The following SPIDR variants were observed in gnomAD, a reference collection of about 807,000 sequenced individuals.
SPIDR encodes DNA repair-scaffolding protein.
SPIDR carries 93 observed loss-of-function variants against 104.6 expected under a neutral mutation model. That is an observed-to-expected ratio of 0.89 (90% confidence interval 0.75 to 1.06). The LOEUF is 1.06. SPIDR is among the 50% of genes least tolerant of loss of function. The pLI, the probability that SPIDR is intolerant of heterozygous loss-of-function variation, is 0.00. For synonymous variants in SPIDR, 431 were observed against 416.9 expected, an observed-to-expected ratio of 1.03 and a Z score of -0.41; for missense variants, 1,154 against 1,111.2, an observed-to-expected ratio of 1.04 and a Z score of -0.55.
At chr8:47,606,962 G>A (rs963096622) in intron 10 of SPIDR, among the ~76,000 whole-genome samples, 1 of 152,160 alleles carries the variant, frequency 6.6e-6, no homozygotes, top group Non-Finnish European at 1.5e-5. Flanking sequence ...CAGCTCCCTC[G>A]TCAACAACAC....
At chr8:47,585,658 T>C (rs1003692208) in intron 8 of SPIDR, among the ~76,000 whole-genome samples, 1 of 152,146 alleles carries the variant, frequency 6.6e-6, no homozygotes, top group African/African-American at 2.4e-5. Context: ...TTCTTACACT[T>C]ATGGAGGTCG....
At chr8:47,377,886 A>G (rs1292108132) in intron 5 of SPIDR, among the ~76,000 whole-genome samples, 1 of 152,122 alleles carries the variant, frequency 6.6e-6, no homozygotes, top group Non-Finnish European at 1.5e-5. Flanking sequence ...GAAACACAAC[A>G]TGTTCTGCTA....
intron 8 of SPIDR, among the ~76,000 whole-genome samples, chr8:47,457,898 G>C (rs1323303416): frequency 2.0e-5 from 3 of 152,080 alleles, no homozygotes; most frequent in African/African-American, 7.2e-5. Context: ...AAGATCAGTG[G>C]CTGTAAGTAT....
At chr8:47,668,472 A>T (rs185592325) in intron 10 of SPIDR, among the ~76,000 whole-genome samples, 1,792 of 144,006 alleles carry the variant, frequency 0.012, 38 homozygotes, top group African/African-American at 0.044. Flanking sequence ...TTCATGATTT[A>T]AAAAAAAAAA....
intron 5 of SPIDR, among the ~76,000 whole-genome samples, chr8:47,350,049 G>A (rs535753093): frequency 9.2e-5 from 14 of 152,288 alleles, no homozygotes; most frequent in East Asian, 3.9e-4. Context: ...CGTCTTCTGC[G>A]TCGCTCATGC....
In SPIDR at chr8:47,714,266, T is replaced by G. The variant is rs1394544897; in HGVS notation, c.2341+625T>G. On this transcript the variant is annotated intron_variant, in intron 16 of 19. Transcript: ENST00000297423. ...GGATGGACTTAGGGAAATCGGCAGGTTGAGCGATGAATTGGGCATAGATGG... is the reference window on the plus strand; with the variant it reads ...GGATGGACTTAGGGAAATCGGCAGGGTGAGCGATGAATTGGGCATAGATGG... Among the ~76,000 whole-genome samples the G allele has an allele frequency of 2.6e-5, 4 of 152,144 alleles. No individual in the cohort carries two copies. The East Asian group carries it at 7.7e-4, about 29-fold the overall frequency.
rs531447383 is a variant in SPIDR, at chr8:47,350,290, C to G, written c.526-46086C>G. The stretch of plus-strand genomic sequence containing the variant: ...ATTTTAAACCTTTTTTTCCTTGACA[C>G]GTGAAAGATGACACTTGTTATAATT... On this transcript the variant is annotated intron_variant, in intron 5 of 19. Transcript: ENST00000297423. Among the ~76,000 whole-genome samples the G allele has an allele frequency of 3.9e-5, 6 of 152,148 alleles. No homozygotes were observed. In the South Asian group the frequency reaches 1.2e-3, roughly 32 times the overall value.
chr8:47,440,601 G>C (rs1322757515), intron 8 of SPIDR, 59 bp downstream of exon 8: 12 of 1,524,040 alleles, frequency 7.9e-6, no homozygotes, highest in Non-Finnish European at 1.1e-5. Context: ...CGTAAGAAAA[G>C]ACATTTTTAT....
At chr8:47,335,702 C>T (rs1033143755) in intron 5 of SPIDR, among the ~76,000 whole-genome samples, 22 of 152,282 alleles carry the variant, frequency 1.4e-4, no homozygotes, top group Non-Finnish European at 2.4e-4. Flanking sequence ...ACACCCACGT[C>T]GGCCTCCCAA....
chr8:47,619,588 T>C (rs1476901074), intron 10 of SPIDR, among the ~76,000 whole-genome samples: 2 of 151,754 alleles, frequency 1.3e-5, no homozygotes, highest in African/African-American at 2.4e-5. Flanking sequence ...TTCTACATGA[T>C]ACTCTGAATA....
chr8:47,675,745 A>G (rs756721315), intron 11 of SPIDR, among the ~76,000 whole-genome samples: 6 of 152,234 alleles, frequency 3.9e-5, no homozygotes, highest in Admixed American at 6.5e-5. Context: ...ACCTCGAGGC[A>G]GAGGTTGCAG....
At chr8:47,320,249 A>C (rs1482406135) in intron 5 of SPIDR, among the ~76,000 whole-genome samples, 1 of 152,226 alleles carries the variant, frequency 6.6e-6, no homozygotes, top group Non-Finnish European at 1.5e-5. Context: ...GATGCAATAA[A>C]AAATGATAAA....
At chr8:47,482,050 G>T (rs1325856960) in intron 8 of SPIDR, among the ~76,000 whole-genome samples, 8 of 152,210 alleles carry the variant, frequency 5.3e-5, no homozygotes, top group Non-Finnish European at 1.0e-4. Flanking sequence ...TGAGGACTCA[G>T]TTTACAGGTT....
chr8:47,364,753 G>C (rs1262821446), intron 5 of SPIDR, among the ~76,000 whole-genome samples: 4 of 152,138 alleles, frequency 2.6e-5, no homozygotes, highest in African/African-American at 9.7e-5. Flanking sequence ...CCAAAAAAAA[G>C]TCTGTTAAAA....
rs566500885 is a variant in SPIDR, at chr8:47,503,488, G to A, written c.1097+62946G>A. On this transcript the variant is annotated intron_variant, in intron 8 of 19. Transcript: ENST00000297423. ...GCCGTTTTTTGTTTTCCATTTGCTT[G>A]GTAGATCTTCCTCCATCCGTTTATT... is the stretch of plus-strand genomic sequence containing the variant. Among the ~76,000 whole-genome samples the A allele has an allele frequency of 1.5e-4, 23 of 150,192 alleles. No homozygotes were observed. The South Asian group carries it at 4.1e-3, about 27-fold the overall frequency.
chr8:47,602,719 T>G (rs2062443891), intron 10 of SPIDR, among the ~76,000 whole-genome samples: 1 of 152,246 alleles, frequency 6.6e-6, no homozygotes, highest in African/African-American at 2.4e-5. Context: ...TTCTGAAAGC[T>G]GACAGCTCAA....
intron 8 of SPIDR, among the ~76,000 whole-genome samples, chr8:47,454,694 A>G (rs952606478): frequency 3.9e-5 from 6 of 152,222 alleles, no homozygotes; most frequent in Admixed American, 6.5e-5. Flanking sequence ...TCTGAAAACA[A>G]TATCTTTAAG....
chr8:47,469,380 A>G (rs981328276), intron 8 of SPIDR, among the ~76,000 whole-genome samples: 4 of 152,224 alleles, frequency 2.6e-5, no homozygotes, highest in Non-Finnish European at 1.5e-5. Context: ...TATATACCCA[A>G]AGGAATATAA....
chr8:47,346,237 G>A (rs1455516526), intron 5 of SPIDR, among the ~76,000 whole-genome samples: 6 of 152,084 alleles, frequency 3.9e-5, no homozygotes, highest in Non-Finnish European at 7.4e-5. Flanking sequence ...GGTTTTTGTC[G>A]TTGGTTCTGT....
Sources: allele counts gnomAD v4.1 joint callset (sites outside exome capture counted in the v4.1 genomes callset), GRCh38; gene constraint gnomAD v4.1.1; transcripts MANE v1.5; gene names NCBI Gene and HGNC (gene_info 2026-07-23, HGNC 2026-07-21).